Variants in STIL observed in about 807,000 individuals in gnomAD.
The protein encoded by STIL is STIL centriolar assembly protein.
STIL carries 55 observed loss-of-function variants against 110.1 expected under a neutral mutation model. The observed-to-expected ratio is 0.50, with a 90% CI of 0.40 to 0.63. STIL has a LOEUF of 0.63. Ranked by LOEUF, STIL falls within the 20% of genes least tolerant of loss-of-function variation. STIL has a pLI of 0.00. For missense variants in STIL, 1,358 were observed against 1,530.0 expected, an observed-to-expected ratio of 0.89 and a Z score of 1.87; for synonymous variants, 481 against 530.0, an observed-to-expected ratio of 0.91 and a Z score of 1.27.
intron 13 of STIL, among the ~76,000 whole-genome samples, chr1:47,270,455 A>T (rs1353645586): frequency 6.6e-6 from 1 of 151,910 alleles, no homozygotes; most frequent in Non-Finnish European, 1.5e-5. Context: ...TTTGCTTTAC[A>T]TATTAAGATT....
chr1:47,310,512 C>T (rs1646092970), intron 1 of STIL, 150 bp from the exon 2 acceptor site: 7 of 548,946 alleles, frequency 1.3e-5, no homozygotes, highest in Non-Finnish European at 2.3e-5. Flanking sequence ...TAGATTCTGC[C>T]AATCATTTTC....
intron 12 of STIL, among the ~76,000 whole-genome samples, chr1:47,277,603 A>T (rs868251561): frequency 3.1e-4 from 47 of 152,220 alleles, no homozygotes; most frequent in African/African-American, 9.6e-4. Flanking sequence ...GATAGTAAAG[A>T]GTAGTTAAGT....
At chr1:47,302,765 TATATAC>T (rs1224801345) in intron 3 of STIL, among the ~76,000 whole-genome samples, 1 of 152,206 alleles carries the variant, frequency 6.6e-6, no homozygotes, top group Non-Finnish European at 1.5e-5. Flanking sequence ...ACAAATCCTA[TATATAC>T]TATGTTTCTT....
intron 5 of STIL, among the ~76,000 whole-genome samples, chr1:47,300,619 C>T (rs1645777485): frequency 6.6e-6 from 1 of 152,134 alleles, no homozygotes; most frequent in Admixed American, 6.6e-5. Context: ...AGGTGTGTGC[C>T]ACCACACCCA....
chr1:47,255,550 CA>C (rs60137249), intron 16 of STIL, among the ~76,000 whole-genome samples: 22,129 of 123,282 alleles, frequency 0.18, 2,034 homozygotes, highest in East Asian at 0.51. Context: ...CCCTGTCTCT[CA>C]AAAAAAAAAA....
chr1:47,298,597 C>T (rs924469584), intron 6 of STIL, among the ~76,000 whole-genome samples: 3 of 151,738 alleles, frequency 2.0e-5, no homozygotes, highest in Admixed American at 6.6e-5. Context: ...CTCTAGCCTC[C>T]CTTGGGTTCA....
chr1:47,272,978 C>T lies in STIL; in HGVS notation c.2218-737G>A, dbSNP rs181005221. 7.4e-3 allele frequency among the ~76,000 whole-genome samples: 1,134 copies of T among 152,252 alleles called. 15 individuals carry two copies. The highest frequency in any genetic ancestry group is 0.026 in the African/African-American group (1,060 of 41,530). On this transcript the variant is annotated intron_variant, in intron 12 of 16. Coordinates refer to ENST00000371877, the MANE Select transcript of STIL (RefSeq NM_001048166.1). ...TGGATATATTAATAACAATGGCTAA[C>T]AGTTACTGAGCGCCTGTTGTTTGCA...
chr1:47,308,401 AAAAAAGAAAAAAG>A (rs961969811), intron 2 of STIL, among the ~76,000 whole-genome samples: 2 of 117,266 alleles, frequency 1.7e-5, no homozygotes, highest in South Asian at 2.8e-4. Context: ...AAAAAACAAA[AAAAAAGAAAAAAG>A]AAAAAGAAAA....
rs549227243 is a variant in STIL, at chr1:47,258,992, C to CTTTTTTTTTTTTTTTTTTTTTTTT, written c.3080+1296_3080+1297insAAAAAAAAAAAAAAAAAAAAAAAA. Reference sequence around the variant, plus strand: ...GAAATGGTTAAGAGAAGTAACTTTGCTTTTTTTTTTTTTTGAGACAGTCTT... The same window carrying CTTTTTTTTTTTTTTTTTTTTTTTT: ...GAAATGGTTAAGAGAAGTAACTTTGCTTTTTTTTTTTTTTTTTTTTTTTTTTTTTTTTTTTTTTGAGACAGTCTT... On this transcript the variant is annotated intron_variant, in intron 16 of 16. Coordinates refer to ENST00000371877, the MANE Select transcript of STIL (RefSeq NM_001048166.1). Among the ~76,000 whole-genome samples, 4 of 94,402 alleles carry CTTTTTTTTTTTTTTTTTTTTTTTT rather than the reference C, an allele frequency of 4.2e-5. 1 individual carries two copies. The highest frequency in any genetic ancestry group is 5.8e-5 in the Non-Finnish European group (3 of 51,742). 61.9% of individuals were successfully genotyped at this position (94,402 alleles called of 152,430 possible). A position where few individuals can be genotyped will look rare whatever the true frequency, so the allele number is the denominator to read the frequency against.
At chr1:47,254,290 C>T (rs1644268774) in intron 16 of STIL, among the ~76,000 whole-genome samples, 1 of 149,964 alleles carries the variant, frequency 6.7e-6, no homozygotes, top group Admixed American at 6.7e-5. Flanking sequence ...CCTTGAAATT[C>T]TCCCTTAATC....
At chr1:47,284,560 T>C (rs1364827427) in intron 10 of STIL, among the ~76,000 whole-genome samples, 2 of 152,086 alleles carry the variant, frequency 1.3e-5, no homozygotes, top group Admixed American at 6.5e-5. Context: ...AAATATTCAA[T>C]AAAATGTTGA....
At chr1:47,289,855 G>A (rs548888174) in intron 8 of STIL, among the ~76,000 whole-genome samples, 11 of 150,598 alleles carry the variant, frequency 7.3e-5, no homozygotes, top group Middle Eastern at 6.8e-3. Flanking sequence ...GGAGAATGGC[G>A]TGAACCCGGG....
At chr1:47,298,641 TA>T (rs1453665950) in intron 6 of STIL, among the ~76,000 whole-genome samples, 2 of 152,042 alleles carry the variant, frequency 1.3e-5, no homozygotes, top group East Asian at 3.9e-4. Flanking sequence ...AAAAAAGGCC[TA>T]AAACCTAAAT....
intron 8 of STIL, among the ~76,000 whole-genome samples, chr1:47,290,380 T>C (rs3125624): frequency 1.3e-5 from 2 of 151,968 alleles, no homozygotes; most frequent in African/African-American, 4.8e-5. Context: ...ATTATATATA[T>C]AGAGAGAGAG....
chr1:47,287,498 A>G, intron 10 of STIL, 53 bp downstream of exon 10: 2 of 1,178,506 alleles, frequency 1.7e-6, no homozygotes, highest in Non-Finnish European at 2.4e-6. Flanking sequence ...ACCAAAAACT[A>G]ATAAATATAA....
At chr1:47,275,241 A>T (rs966107821) in intron 12 of STIL, among the ~76,000 whole-genome samples, 59 of 144,504 alleles carry the variant, frequency 4.1e-4, no homozygotes, top group Non-Finnish European at 6.0e-4. Flanking sequence ...CATCTGATTT[A>T]AAAAAAAAAA....
chr1:47,277,447 CCT>C (rs904475832), intron 12 of STIL, among the ~76,000 whole-genome samples: 11 of 152,074 alleles, frequency 7.2e-5, no homozygotes, highest in African/African-American at 2.2e-4. Context: ...TACAATCTGA[CCT>C]GGGCTTTAAA....
chr1:47,303,696 A>C (rs1296041523), intron 3 of STIL, among the ~76,000 whole-genome samples: 2 of 152,162 alleles, frequency 1.3e-5, no homozygotes, highest in African/African-American at 4.8e-5. Flanking sequence ...AAAAATAAAA[A>C]CAGGACTAAC....
intron 13 of STIL, among the ~76,000 whole-genome samples, chr1:47,270,227 CA>C (rs34842407): frequency 0.03 from 2,601 of 86,920 alleles, 45 homozygotes; most frequent in East Asian, 0.12. Flanking sequence ...AACTCTGGCT[CA>C]AAAAAAAAAA....
Sources: gnomAD v4.1 joint callset for allele counts (sites outside exome capture counted in the v4.1 genomes callset) on GRCh38, gnomAD v4.1.1 for gene constraint, MANE v1.5 for transcripts, NCBI Gene and HGNC (gene_info 2026-07-23, HGNC 2026-07-21) for gene names.